FGD4: variants seen among roughly 807,000 people sequenced by gnomAD.
FGD4 encodes FYVE, RhoGEF and PH domain-containing protein 4.
In FGD4, 42 loss-of-function variants were observed where a neutral mutation model predicts 102.0. That is an observed-to-expected ratio of 0.41 (90% CI 0.32 to 0.53). The LOEUF (loss-of-function observed/expected upper bound fraction) is 0.53. Ranked by LOEUF, FGD4 falls within the 20% of genes least tolerant of loss-of-function variation. The pLI, the probability that FGD4 is intolerant of heterozygous loss-of-function variation, is 0.21. For missense variants in FGD4, 902 were observed against 1,078.2 expected (o/e 0.84, Z 2.29); for synonymous variants, 380 against 375.7 (o/e 1.01, Z -0.13).
chr12:32,564,072 A>T, intron 1 of FGD4, 65 bp from the exon 2 acceptor site: 3 of 1,444,874 alleles, frequency 2.1e-6, no homozygotes, highest in Non-Finnish European at 2.7e-6. Flanking sequence ...GGGAAATTTA[A>T]CTTATAAGGC....
At chr12:32,559,239 G>A (rs916032775) in intron 1 of FGD4, among the ~76,000 whole-genome samples, 2 of 152,126 alleles carry the variant, frequency 1.3e-5, no homozygotes, top group Admixed American at 1.3e-4. Flanking sequence ...AGTTTTTGTT[G>A]CTATTATCCA....
At chr12:32,592,461 G>A (rs984127467) in intron 4 of FGD4, among the ~76,000 whole-genome samples, 20 of 151,996 alleles carry the variant, frequency 1.3e-4, no homozygotes, top group African/African-American at 4.8e-4. Context: ...AATTAATAGT[G>A]CATGACTATT....
rs1951198246 is a variant in FGD4, at chr12:32,642,421, G to A, written c.*1888G>A. 6.6e-6 allele frequency: 1 copy of A among 152,048 alleles called. No individual in the cohort carries two copies. 9.4% of individuals were successfully genotyped at this position (152,048 alleles called of 1,614,324 possible). ...CAATGGAAATACAGAATGATTAACT[G>A]GGGAAGAGGACTTTTGTAAGTGTGA... is the stretch of plus-strand genomic sequence containing the variant. On this transcript the variant is annotated 3_prime_UTR_variant, in exon 17 of 17. Transcript: ENST00000534526.
At position 32,608,103 on chromosome 12, in the gene FGD4, C is replaced by CG. The variant is rs1555216986; in HGVS notation, c.1543+8_1543+9insG. The CG allele has an allele frequency of 6.2e-6, 10 of 1,606,918 alleles. No homozygotes were observed. Among genetic ancestry groups the CG allele is most frequent in the Non-Finnish European group, 8.5e-6 (10 of 1,175,222 alleles). On this transcript the variant is annotated intron_variant, in intron 8 of 16. Coordinates refer to ENST00000534526, the MANE Select transcript of FGD4 (RefSeq NM_001370298.3). ...ACTGGAATGATGCTAAAAGTAAATG[C>CG]TTTTTTTTTGTTTTCTCCCTATTTT...
At chr12:32,638,199 A>C (rs1950960277) in intron 15 of FGD4, among the ~76,000 whole-genome samples, 1 of 152,152 alleles carries the variant, frequency 6.6e-6, no homozygotes, top group Admixed American at 6.5e-5. Context: ...CTGTTTCTAC[A>C]AAAAATTTAA....
At chr12:32,598,363 A>G in intron 4 of FGD4, 134 bp from the exon 5 acceptor site, 2 of 639,244 alleles carry the variant, frequency 3.1e-6, no homozygotes, top group Non-Finnish European at 5.4e-6. Flanking sequence ...ACATCTCTTG[A>G]TGGCTGAAAG....
chr12:32,557,657 T>A (rs1201946247), intron 1 of FGD4, among the ~76,000 whole-genome samples: 2 of 152,230 alleles, frequency 1.3e-5, no homozygotes, highest in Non-Finnish European at 1.5e-5. Context: ...GATAATTATG[T>A]TTCTAGAAAA....
At chr12:32,489,418 C>A (rs1944017382) in intron 1 of FGD4, among the ~76,000 whole-genome samples, 1 of 152,206 alleles carries the variant, frequency 6.6e-6, no homozygotes, top group Non-Finnish European at 1.5e-5. Flanking sequence ...ATTGGCAACT[C>A]TTTTAATATT....
At chr12:32,545,922 G>T (rs1030550085) in intron 1 of FGD4, among the ~76,000 whole-genome samples, 5 of 152,212 alleles carry the variant, frequency 3.3e-5, no homozygotes, top group Admixed American at 2.6e-4. Context: ...GCGAATTAAA[G>T]ATCTGAATTT....
intron 1 of FGD4, among the ~76,000 whole-genome samples, chr12:32,401,726 CTT>C (rs34078307): frequency 0.12 from 13,902 of 113,506 alleles, 675 homozygotes; most frequent in Middle Eastern, 0.23. Context: ...CTTTTCCATT[CTT>C]TTTTTTTTTT....
At chr12:32,505,986 A>G (rs546282490) in intron 1 of FGD4, among the ~76,000 whole-genome samples, 1 of 152,360 alleles carries the variant, frequency 6.6e-6, no homozygotes, top group African/African-American at 2.4e-5. Flanking sequence ...GTCCCAATCT[A>G]AACAGGATTG....
chr12:32,418,419 G>C (rs1028113791), intron 1 of FGD4, among the ~76,000 whole-genome samples: 1 of 152,074 alleles, frequency 6.6e-6, no homozygotes, highest in Admixed American at 6.6e-5. Context: ...GTATTTGAGG[G>C]GATGTGGGCC....
intron 1 of FGD4, among the ~76,000 whole-genome samples, chr12:32,480,785 C>T (rs774993869): frequency 1.4e-4 from 21 of 149,958 alleles, no homozygotes; most frequent in East Asian, 2.0e-4. Flanking sequence ...AGGCGTGAGC[C>T]ACCACGCCCG....
rs184229882 is a variant in FGD4 at position 32,430,890 on chromosome 12, A to C, written c.166+30931A>C. Among the ~76,000 whole-genome samples, 7 of 152,338 alleles carry C rather than the reference A, an allele frequency of 4.6e-5. No individual in the cohort carries two copies. The East Asian group carries it at 1.3e-3, about 29-fold the overall frequency. On this transcript the variant is annotated intron_variant, in intron 1 of 16. Transcript: ENST00000534526. ...AAATGGTAAACTCAGGCCATTGCCT[A>C]TGAAAACATTGAAAAGAAGGGAAGG...
chr12:32,520,443 T>G (rs999537248), intron 1 of FGD4, among the ~76,000 whole-genome samples: 11 of 149,636 alleles, frequency 7.4e-5, no homozygotes, highest in Non-Finnish European at 1.5e-4. Flanking sequence ...GTTTTTTGTT[T>G]TTTTTTTTTA....
intron 5 of FGD4, among the ~76,000 whole-genome samples, chr12:32,599,626 C>T (rs1301653106): frequency 1.8e-5 from 2 of 114,094 alleles, no homozygotes; most frequent in African/African-American, 3.5e-5. Flanking sequence ...TGGCTCACTG[C>T]GACCTCCTAC....
At chr12:32,568,031 T>G (rs1460421097) in intron 2 of FGD4, among the ~76,000 whole-genome samples, 2 of 152,200 alleles carry the variant, frequency 1.3e-5, no homozygotes, top group African/African-American at 4.8e-5. Flanking sequence ...ACATCTTTAT[T>G]AGTGGTGATT....
chr12:32,461,863 A>G (rs1253217157), intron 1 of FGD4, among the ~76,000 whole-genome samples: 2 of 152,036 alleles, frequency 1.3e-5, no homozygotes, highest in Non-Finnish European at 2.9e-5. Context: ...AGTAGCTGGG[A>G]TTACGGGTGC....
chr12:32,427,449 T>C (rs1941881596), intron 1 of FGD4, among the ~76,000 whole-genome samples: 1 of 152,238 alleles, frequency 6.6e-6, no homozygotes, highest in Non-Finnish European at 1.5e-5. Flanking sequence ...ATGATTTCCA[T>C]TCTTTTGCAT....
Sources: allele counts gnomAD v4.1 joint callset (sites outside exome capture counted in the v4.1 genomes callset), GRCh38; gene constraint gnomAD v4.1.1; transcripts MANE v1.5; gene names NCBI Gene and HGNC (gene_info 2026-07-23, HGNC 2026-07-21).